TTN: variants seen among roughly 807,000 people sequenced by gnomAD.
TTN encodes the protein titin.
TTN carries 1,525 observed loss-of-function variants against 3,223.0 expected under a neutral mutation model. The ratio of observed to expected loss-of-function variants is 0.47; its 90% CI spans 0.45 to 0.49. The LOEUF is 0.49. Among genes scored for constraint, TTN ranks in the 20% least tolerant of loss-of-function variants. The probability of loss-of-function intolerance (pLI) is 0.00; values close to 1 mark genes in which losing one functional copy is unlikely to be tolerated. For synonymous variants in TTN, 14,094 were observed against 15,161.0 expected (o/e 0.93, Z 5.17); for missense variants, 40,786 against 43,424.0 (o/e 0.94, Z 5.40).
rs1242003251 is a variant in TTN, at chr2:178,544,275, A to T, written c.95954T>A (p.Val31985Asp). 1 of 1,613,694 alleles carries T rather than the reference A, an allele frequency of 6.2e-7. No individual in the cohort carries two copies. Residue 31985 changes from valine (V) to aspartate (D), a missense_variant, in exon 345 of 363, where the codon GTT becomes GAT. By Grantham distance (152) the Val-to-Asp change is radical. Coordinates refer to ENST00000589042, the MANE Select transcript of TTN (RefSeq NM_001267550.2). Reference protein sequence around the residue: ...LKMGQKYSFRVAAVNVKGMSE... With the variant: ...LKMGQKYSFRDAAVNVKGMSE... ...CATACCCTTCACGTTCACGGCAGCA[A>T]CTCTGAAGGAATATTTCTGGCCCAT...
Position 178,667,220 on chromosome 2 carries a change from A to T in TTN, c.35797+16T>A. 1 of 1,578,106 alleles carries T rather than the reference A, an allele frequency of 6.3e-7. No individual in the cohort carries two copies. Among genetic ancestry groups the T allele is most frequent in the Non-Finnish European group, 8.6e-7 (1 of 1,160,994 alleles). ...TATATTTTCTTCTTTAGATTTTCCT[A>T]ACTAGAGAATTATACCTTCAGTTGG... On this transcript the variant is annotated intron_variant, in intron 162 of 362. Coordinates refer to ENST00000589042, the MANE Select transcript of TTN (RefSeq NM_001267550.2).
In TTN at chr2:178,804,554, C is replaced by T. The variant is rs767153909; in HGVS notation, c.89G>A (p.Ser30Asn). Residue 30 changes from serine to asparagine, a missense_variant and splice_region_variant, in exon 2 of 363, where the codon AGT becomes AAT. Ser to Asn is a conservative substitution (Grantham distance 46). Transcript: ENST00000589042. ...AAAGTGTGAATGTGTGAGCTTACCA[C>T]TAATGTGAGCCTCAAAGGTTGCGGT... ...GSTATFEAHISGFPVPEVSWF... is the reference protein window; with the variant it reads ...GSTATFEAHINGFPVPEVSWF... 7.4e-6 allele frequency: 12 copies of T among 1,613,826 alleles called. No homozygotes were observed. The highest frequency in any genetic ancestry group is 5.3e-5 in the African/African-American group (4 of 75,018).
Position 178,695,857 on chromosome 2 carries a change from A to T in TTN, c.31207+8T>A. 1.4e-6 allele frequency: 2 copies of T among 1,441,798 alleles called. No homozygotes were observed. Among genetic ancestry groups the T allele is most frequent in the Non-Finnish European group, 1.8e-6 (2 of 1,097,294 alleles). The allele number at this position is 1,441,798 out of a possible 1,614,324, so 89.3% of individuals were successfully genotyped here. On this transcript the variant is annotated splice_region_variant and intron_variant, in intron 114 of 362. Transcript: ENST00000589042. Reference sequence around the variant, plus strand: ...AAGAGGGAAACAAGTCATTCAGTTTATACATACCTTCATAGACCTCCTTTT... The same window carrying T: ...AAGAGGGAAACAAGTCATTCAGTTTTTACATACCTTCATAGACCTCCTTTT...
At chr2:178,683,575 A>G (rs1167247441) in intron 133 of TTN, among the ~76,000 whole-genome samples, 1 of 152,136 alleles carries the variant, frequency 6.6e-6, no homozygotes, top group East Asian at 1.9e-4. Flanking sequence ...ACTAAGTAGA[A>G]GCATTAGACA....
rs377540780 is a variant in TTN at position 178,562,060 on chromosome 2, T to G, written c.84072A>C (p.Glu28024Asp). The G allele has an allele frequency of 2.4e-5, 38 of 1,613,286 alleles. No individual in the cohort carries two copies. The highest frequency in any genetic ancestry group is 2.9e-5 in the Non-Finnish European group (34 of 1,179,652). The change falls in exon 326 of 363, where the codon GAA (glutamate) becomes GAC (aspartate). Residue 28024 changes from glutamate to aspartate, a missense_variant. Physicochemically the swap from Glu to Asp is conservative, Grantham distance 45. Coordinates refer to ENST00000589042, the MANE Select transcript of TTN (RefSeq NM_001267550.2). ...AAGTTCCAACATCTTCCTTTGAAGC[T>G]TCCTTAATAGATAGTGATGTTACAG... Reference protein sequence around the residue: ...SKTVTSLSIKEASKEDVGTYE... With the variant: ...SKTVTSLSIKDASKEDVGTYE...
intron 351 of TTN, 22 bp downstream of exon 351, chr2:178,540,046 A>G (rs371068047): frequency 6.3e-7 from 1 of 1,594,766 alleles, no homozygotes; most frequent in African/African-American, 1.3e-5. Flanking sequence ...TATTGCAGAA[A>G]GCAAATGATC....
Position 178,585,310 on chromosome 2 carries a change from G to C in TTN, c.64434C>G (p.Ile21478Met). 6.2e-7 allele frequency: 1 copy of C among 1,610,242 alleles called. No homozygotes were observed. ...CAATTCGGAGTTTTTTCCCAGCTTT[G>C]ATAGTTATTTGCTCTGGCATAAGGA... ...PKILMPEQIT[I>M]KAGKKLRIEA... The change falls in exon 309 of 363, where the codon ATC becomes ATG. Residue 21478 changes from isoleucine (I) to methionine (M), a missense_variant. Coordinates refer to ENST00000589042, the MANE Select transcript of TTN (RefSeq NM_001267550.2).
rs767465221 is a variant in TTN, at chr2:178,730,336, C to T, written c.18064G>A (p.Asp6022Asn). 6.2e-7 allele frequency: 1 copy of T among 1,608,358 alleles called. No homozygotes were observed. ...TGTACCCTTGTGTTGGGATTGACAT[C>T]TTGTGACTGTGGCTTTTCCACAAAG... ...PYFVEKPQSQ[D>N]VNPNTRVQLK... The change falls in exon 62 of 363, where the codon GAT (aspartate) becomes AAT (asparagine). Residue 6022 changes from aspartate (D) to asparagine (N), a missense_variant. Transcript: ENST00000589042.
chr2:178,763,461 G>T (rs1402598644), intron 43 of TTN, among the ~76,000 whole-genome samples: 1 of 152,168 alleles, frequency 6.6e-6, no homozygotes, highest in African/African-American at 2.4e-5. Flanking sequence ...TATCTACTAT[G>T]TATCAGGTGA....
intron 16 of TTN, 55 bp downstream of exon 16, chr2:178,784,015 C>G (rs1186740700): frequency 1.2e-6 from 2 of 1,610,228 alleles, no homozygotes; most frequent in African/African-American, 1.3e-5. Flanking sequence ...TAGCCAACCA[C>G]CTGGCCCTGC....
rs2052420290 is a variant in TTN at position 178,598,614 on chromosome 2, A to G, written c.57003T>C (p.Thr19001=). ...GPPFPKVTDW[T]KSSADLEWSP... is the part of the protein sequence containing the mutation. ...ACCACTCCAGATCTGCAGATGATTT[A>G]GTCCAATCTGTCACTTTGGGAAATG... Residue 19001 remains threonine, a synonymous_variant, in exon 292 of 363, where the codon ACT becomes ACC. Coordinates refer to ENST00000589042, the MANE Select transcript of TTN (RefSeq NM_001267550.2). 1 of 1,607,380 alleles carries G rather than the reference A, an allele frequency of 6.2e-7. No individual in the cohort carries two copies. The highest frequency in any genetic ancestry group is 1.3e-5 in the African/African-American group (1 of 74,376).
At position 178,715,179 on chromosome 2, in the gene TTN, A is replaced by T; in HGVS notation, c.26007T>A (p.Thr8669=). 1 of 1,613,722 alleles carries T rather than the reference A, an allele frequency of 6.2e-7. No individual in the cohort carries two copies. The highest frequency in any genetic ancestry group is 8.5e-7 in the Non-Finnish European group (1 of 1,179,696). Residue 8669 remains threonine (T), a synonymous_variant, in exon 90 of 363, where the codon ACT becomes ACA. Transcript: ENST00000589042. The stretch of plus-strand genomic sequence containing the variant: ...TATACCAAGAAACGTGAAATGGGGG[A>T]GTGCCCTGAAGCTCACATTCAAGGT... ...DVHLECELQG[T]PPFHVSWYKD... is the part of the protein sequence containing the mutation.
At position 178,601,180 on chromosome 2, in the gene TTN, A is replaced by G. The variant is rs1559685071; in HGVS notation, c.55733-9T>C. 6.6e-7 allele frequency: 1 copy of G among 1,522,422 alleles called. No individual in the cohort carries two copies. The highest frequency in any genetic ancestry group is 8.8e-7 in the Non-Finnish European group (1 of 1,139,070). 94.3% of individuals were successfully genotyped at this position (1,522,422 alleles called of 1,614,324 possible). On this transcript the variant is annotated splice_polypyrimidine_tract_variant and intron_variant, in intron 287 of 362. Transcript: ENST00000589042. ...AGGAGGATCAGGAGGATCTGTAAAA[A>G]TAATTAAAGGAAGTATTAAGCGTTG...
Position 178,547,312 on chromosome 2 carries a change from A to G in TTN, c.94220-7T>C. The G allele has an allele frequency of 6.3e-7, 1 of 1,597,158 alleles. No individual in the cohort carries two copies. Among genetic ancestry groups the G allele is most frequent in the South Asian group, 1.1e-5 (1 of 88,356 alleles). ...GTAGGAGCGCTTGGTGGGACTAAATATAAACAAAGGTATTAAGTATGAATA... is the reference window on the plus strand; with the variant it reads ...GTAGGAGCGCTTGGTGGGACTAAATGTAAACAAAGGTATTAAGTATGAATA... On this transcript the variant is annotated splice_polypyrimidine_tract_variant and splice_region_variant and intron_variant, in intron 339 of 362. Coordinates refer to ENST00000589042, the MANE Select transcript of TTN (RefSeq NM_001267550.2).
Position 178,714,273 on chromosome 2 carries a change from A to T in TTN, c.26482+19T>A, listed in dbSNP as rs370931286. On this transcript the variant is annotated intron_variant, in intron 91 of 362. Transcript: ENST00000589042. ...GAGTGTGTGCCTTGTATCTGTGATA[A>T]CATCATCTTTTTACTAACCGAGAAC... 13 of 1,606,120 alleles carry T rather than the reference A, an allele frequency of 8.1e-6. No homozygotes were observed. Among genetic ancestry groups the T allele is most frequent in the Non-Finnish European group, 1.1e-5 (13 of 1,174,784 alleles).
chr2:178,542,105 A>T, intron 349 of TTN, 159 bp downstream of exon 349: 1 of 692,238 alleles, frequency 1.4e-6, no homozygotes, highest in East Asian at 2.8e-5. Flanking sequence ...AAGGAGGTTT[A>T]GAAACCTGAG....
Position 178,591,789 on chromosome 2 carries a change from A to G in TTN, c.60030T>C (p.Thr20010=), listed in dbSNP as rs1576111545. 6.2e-7 allele frequency: 1 copy of G among 1,613,220 alleles called. No homozygotes were observed. Among genetic ancestry groups the G allele is most frequent in the Admixed American group, 1.7e-5 (1 of 59,926 alleles). Residue 20010 remains threonine, a synonymous_variant, in exon 303 of 363, where the codon ACT becomes ACC. Coordinates refer to ENST00000589042, the MANE Select transcript of TTN (RefSeq NM_001267550.2). ...KPDRDGGSPI[T]GYLVEYQEEG... ...CTTCTTGATATTCTACCAAATATCC[A>G]GTGATTGGAGAACCACCATCACGAT...
Position 178,664,555 on chromosome 2 carries a change from A to G in TTN, c.36203-18T>C. 6 of 1,607,162 alleles carry G rather than the reference A, an allele frequency of 3.7e-6. No individual in the cohort carries two copies. Among genetic ancestry groups the G allele is most frequent in the Non-Finnish European group, 5.1e-6 (6 of 1,177,142 alleles). ...CTCCGGCACTTTGAAGATATTAATA[A>G]TTTTACATTTAGAAGTTACAAGAAT... On this transcript the variant is annotated intron_variant, in intron 167 of 362. Coordinates refer to ENST00000589042, the MANE Select transcript of TTN (RefSeq NM_001267550.2).
At position 178,544,213 on chromosome 2, in the gene TTN, C is replaced by T. The variant is rs191786700; in HGVS notation, c.96016G>A (p.Val32006Met). The change falls in exon 345 of 363, where the codon GTG becomes ATG. Residue 32006 changes from valine (V) to methionine (M), a missense_variant. Physicochemically the swap from Val to Met is conservative, Grantham distance 21. Coordinates refer to ENST00000589042, the MANE Select transcript of TTN (RefSeq NM_001267550.2). ...YSESIAEIEP[V>M]ERIEIPDLEL... ...CTGTGATAAATACCTATTCTTTCCA[C>T]GGGCTCAATTTCAGCAATTGATTCG... is the stretch of plus-strand genomic sequence containing the variant. The T allele has an allele frequency of 2.0e-4, 324 of 1,612,714 alleles. 1 individual carries two copies. Among genetic ancestry groups the T allele is most frequent in the Middle Eastern group, 1.7e-3 (10 of 6,050 alleles).
Sources: gnomAD v4.1 joint callset for allele counts (sites outside exome capture counted in the v4.1 genomes callset) on GRCh38, gnomAD v4.1.1 for gene constraint, MANE v1.5 for transcripts, NCBI Gene and HGNC (gene_info 2026-07-23, HGNC 2026-07-21) for gene names.